Variants in HECTD4 observed in about 807,000 individuals in gnomAD.
HECTD4 encodes the protein probable E3 ubiquitin-protein ligase HECTD4.
A neutral mutation model predicts 471.5 loss-of-function variants in HECTD4; 114 were observed. The ratio of observed to expected loss-of-function variants is 0.24; its 90% CI spans 0.21 to 0.28. The LOEUF is 0.28. HECTD4 is among the 10% of genes least tolerant of loss of function. The pLI is 1.00. For missense variants in HECTD4, 3,866 were observed against 5,651.5 expected, an observed-to-expected ratio of 0.68 and a Z score of 10.13; for synonymous variants, 2,012 against 2,256.0, an observed-to-expected ratio of 0.89 and a Z score of 3.07.
rs73207619 is a variant in HECTD4, at chr12:112,195,348, C to T, written c.8568-282G>A. 0.028 allele frequency among the ~76,000 whole-genome samples: 4,237 copies of T among 152,276 alleles called. 80 individuals carry two copies. The highest frequency in any genetic ancestry group is 0.045 in the Non-Finnish European group (3,078 of 68,026). ...ATGTATGTTCATAGTAGCATTATTC[C>T]TAATAGCCAAATAGTGATAAGAACT... On this transcript the variant is annotated intron_variant, in intron 55 of 75. Transcript: ENST00000682272.
chr12:112,336,424 G>A (rs2035959843), intron 1 of HECTD4, among the ~76,000 whole-genome samples: 1 of 151,984 alleles, frequency 6.6e-6, no homozygotes, highest in African/African-American at 2.4e-5. Flanking sequence ...TCAGGAGGCT[G>A]AGGCAGGAGA....
Position 112,381,911 on chromosome 12 carries a change from G to A in HECTD4, c.177+41C>T. 8.3e-7 allele frequency: 1 copy of A among 1,208,626 alleles called. No homozygotes were observed. 74.9% of individuals were successfully genotyped at this position (1,208,626 alleles called of 1,614,324 possible). ...CCCGACCCGGGGGTGCCGGGCGAGTGGGTCAGTCCGATGGCGGGGGCCGGG... is the reference window on the plus strand; with the variant it reads ...CCCGACCCGGGGGTGCCGGGCGAGTAGGTCAGTCCGATGGCGGGGGCCGGG... On this transcript the variant is annotated intron_variant, in intron 1 of 75. Transcript: ENST00000682272. This position sits in a 1 kb window ranked among gnomAD's most constrained non-coding sequence, Gnocchi z 4.1.
chr12:112,347,132 A>C (rs1476545166), intron 1 of HECTD4, among the ~76,000 whole-genome samples: 1 of 151,840 alleles, frequency 6.6e-6, no homozygotes, highest in Non-Finnish European at 1.5e-5. Flanking sequence ...ATATATATTT[A>C]TATATTTCAG....
At chr12:112,208,039 T>G (rs1285731027) in intron 51 of HECTD4, 39 bp from the exon 52 acceptor site, 4 of 1,600,620 alleles carry the variant, frequency 2.5e-6, no homozygotes. Context: ...AGAAGGAATA[T>G]CTGGTGCAGG....
At position 112,243,461 on chromosome 12, in the gene HECTD4, C is replaced by A; in HGVS notation, c.4850G>T (p.Arg1617Leu). 1 of 1,608,670 alleles carries A rather than the reference C, an allele frequency of 6.2e-7. No homozygotes were observed. Among genetic ancestry groups the A allele is most frequent in the Non-Finnish European group, 8.5e-7 (1 of 1,177,668 alleles). The change falls in exon 32 of 76, where the codon CGC (arginine) becomes CTC (leucine). Residue 1617 changes from arginine (R) to leucine (L), a missense_variant. This residue lies in a region of HECTD4 where 229 missense variants were observed against 386.4 expected (regional missense o/e 0.59). Transcript: ENST00000682272. This position sits in a 1 kb window ranked among gnomAD's most constrained non-coding sequence, Gnocchi z 6.6. ...CCGCATGTGCACCAGTGCCTGCTTGCGAGTGTTTCCCCGCCGCCACCTTGT... is the reference window on the plus strand; with the variant it reads ...CCGCATGTGCACCAGTGCCTGCTTGAGAGTGTTTCCCCGCCGCCACCTTGT... ...AQTRWRRGNTRKQALVHMREL... is the reference protein window; with the variant it reads ...AQTRWRRGNTLKQALVHMREL...
Position 112,213,417 on chromosome 12 carries a change from T to G in HECTD4, c.7466-767A>C, listed in dbSNP as rs1392977781. Among the ~76,000 whole-genome samples, 2 of 152,186 alleles carry G rather than the reference T, an allele frequency of 1.3e-5. No homozygotes were observed. Among genetic ancestry groups the G allele is most frequent in the African/African-American group, 4.8e-5 (2 of 41,534 alleles). On this transcript the variant is annotated intron_variant, in intron 48 of 75. Transcript: ENST00000682272. The surrounding 1 kb of genome is among the most constrained non-coding windows in gnomAD (Gnocchi z 4.0). ...AATATATAATTTAGGCCGGGCACAG[T>G]GGCTCAAGCCTGTAATCCCAGCACT...
intron 55 of HECTD4, among the ~76,000 whole-genome samples, chr12:112,200,158 T>G (rs1593922244): frequency 7.3e-6 from 1 of 137,186 alleles, no homozygotes; most frequent in African/African-American, 2.7e-5. Flanking sequence ...ATCCCCCATT[T>G]TTTTTTTTTT....
intron 55 of HECTD4, among the ~76,000 whole-genome samples, chr12:112,197,399 C>T (rs2032278860): frequency 6.6e-6 from 1 of 152,198 alleles, no homozygotes; most frequent in Admixed American, 6.5e-5. Context: ...CTCACTGCAG[C>T]CTTGAACTCC....
Position 112,193,776 on chromosome 12 carries a change from T to A in HECTD4, c.8750-102A>T, listed in dbSNP as rs2032156554. The A allele has an allele frequency of 1.0e-6, 1 of 999,216 alleles. No homozygotes were observed. The highest frequency in any genetic ancestry group is 1.6e-5 in the African/African-American group (1 of 62,314). 61.9% of individuals were successfully genotyped at this position (999,216 alleles called of 1,614,324 possible). On this transcript the variant is annotated intron_variant, in intron 56 of 75. Transcript: ENST00000682272. The surrounding 1 kb of genome is among the most constrained non-coding windows in gnomAD (Gnocchi z 5.2). ...GAATAACCCATCCAGAAACCCCAGA[T>A]GGGAGGGTTATCCTGGATATGATGT...
intron 70 of HECTD4, 83 bp downstream of exon 70, chr12:112,169,420 A>G: frequency 7.1e-7 from 1 of 1,408,862 alleles, no homozygotes; most frequent in Non-Finnish European, 9.5e-7. Context: ...TACTCTTGGA[A>G]ATGGAGGTCT....
intron 1 of HECTD4, among the ~76,000 whole-genome samples, chr12:112,377,880 A>G (rs1191177949): frequency 1.3e-5 from 2 of 152,230 alleles, no homozygotes; most frequent in Non-Finnish European, 2.9e-5. Context: ...CAAAAAAGAA[A>G]GAAAGAAAGA....
rs1266540573 is a variant in HECTD4 at position 112,228,323 on chromosome 12, G to A, written c.6685-65C>T. 1 of 1,396,112 alleles carries A rather than the reference G, an allele frequency of 7.2e-7. No individual in the cohort carries two copies. The highest frequency in any genetic ancestry group is 2.7e-5 in the East Asian group (1 of 37,270). 86.5% of individuals were successfully genotyped at this position (1,396,112 alleles called of 1,614,324 possible). On this transcript the variant is annotated intron_variant, in intron 42 of 75. Coordinates refer to ENST00000682272, the MANE Select transcript of HECTD4 (RefSeq NM_001388303.1). This position sits in a 1 kb window ranked among gnomAD's most constrained non-coding sequence, Gnocchi z 4.9. ...AGTAGTTAGTTTATAAGAAATGAGG[G>A]TGTTATTATTATCTGGAGTTAATTC...
chr12:112,334,224 T>C (rs1173331556), intron 1 of HECTD4, among the ~76,000 whole-genome samples: 1 of 147,858 alleles, frequency 6.8e-6, no homozygotes, highest in African/African-American at 2.5e-5. Flanking sequence ...AATAAATAAA[T>C]AAATAAATAA....
rs1419133599 is a variant in HECTD4, at chr12:112,179,094, A to G, written c.11212-12T>C. 3 of 1,613,846 alleles carry G rather than the reference A, an allele frequency of 1.9e-6. No individual in the cohort carries two copies. In the Admixed American group the frequency reaches 5.0e-5, roughly 27 times the overall value. On this transcript the variant is annotated splice_polypyrimidine_tract_variant and intron_variant, in intron 63 of 75. Coordinates refer to ENST00000682272, the MANE Select transcript of HECTD4 (RefSeq NM_001388303.1). This position sits in a 1 kb window ranked among gnomAD's most constrained non-coding sequence, Gnocchi z 4.3. ...TACTTCCTCAGGATCTGTGGAGCAC[A>G]GAGGCAGCGGGGAGGCTCTCAGGTT... is the stretch of plus-strand genomic sequence containing the variant.
At position 112,274,856 on chromosome 12, in the gene HECTD4, G is replaced by A; in HGVS notation, c.1792C>T (p.Pro598Ser). ...CAAGTTTATTTCTTACCCAATCCTG[G>A]TACGAGAGCACCACGCCCCAGTGAG... is the stretch of plus-strand genomic sequence containing the variant. ...GSSLGRGALV[P>S]GLGACYDTVN... The change falls in exon 10 of 76, where the codon CCA becomes TCA. Residue 598 changes from proline to serine, a missense_variant. Physicochemically the swap from Pro to Ser is moderately conservative, Grantham distance 74 (BLOSUM62 -1). Coordinates refer to ENST00000682272, the MANE Select transcript of HECTD4 (RefSeq NM_001388303.1). 1 of 1,543,034 alleles carries A rather than the reference G, an allele frequency of 6.5e-7. No individual in the cohort carries two copies. The highest frequency in any genetic ancestry group is 2.4e-5 in the East Asian group (1 of 40,888).
intron 1 of HECTD4, among the ~76,000 whole-genome samples, chr12:112,347,264 C>T (rs187868636): frequency 2.6e-5 from 4 of 152,270 alleles, no homozygotes; most frequent in Admixed American, 2.6e-4. Flanking sequence ...AATCCCAGGA[C>T]TTTCGGAGGC....
At chr12:112,190,704 C>T in intron 60 of HECTD4, 82 bp downstream of exon 60, 1 of 1,371,524 alleles carries the variant, frequency 7.3e-7, no homozygotes, top group South Asian at 1.4e-5. Context: ...ACTCCCTACA[C>T]CACCTGGCAA....
intron 1 of HECTD4, among the ~76,000 whole-genome samples, chr12:112,359,869 C>T (rs1364413033): frequency 1.3e-5 from 2 of 152,118 alleles, no homozygotes; most frequent in African/African-American, 4.8e-5. Flanking sequence ...TAAGCTACCA[C>T]GCCCAGCCTT....
intron 7 of HECTD4, among the ~76,000 whole-genome samples, chr12:112,289,033 T>G (rs948880882): frequency 6.6e-6 from 1 of 152,262 alleles, no homozygotes; most frequent in African/African-American, 2.4e-5. Flanking sequence ...GTTTGTTAGT[T>G]AAGCAGGATA....
Sources: allele counts gnomAD v4.1 joint callset (sites outside exome capture counted in the v4.1 genomes callset), GRCh38; gene constraint gnomAD v4.1.1; regional missense constraint gnomAD v4.1.1; non-coding constraint Gnocchi (gnomAD v3.1); transcripts MANE v1.5; gene names NCBI Gene and HGNC (gene_info 2026-07-23, HGNC 2026-07-21).